CNTN3: variants seen among roughly 807,000 people sequenced by gnomAD.
CNTN3 encodes the protein contactin-3.
A neutral mutation model predicts 119.1 loss-of-function variants in CNTN3; 60 were observed. That is an observed-to-expected ratio of 0.50 (90% CI 0.41 to 0.62). CNTN3 has a LOEUF of 0.62. CNTN3 is among the 20% of genes least tolerant of loss of function. CNTN3 has a pLI of 0.00. For synonymous variants in CNTN3, 450 were observed against 438.7 expected (o/e 1.03, Z -0.32); for missense variants, 1,101 against 1,242.4 (o/e 0.89, Z 1.71).
chr3:74,449,696 T>G (rs1197209940), intron 4 of CNTN3, among the ~76,000 whole-genome samples: 1 of 152,128 alleles, frequency 6.6e-6, no homozygotes, highest in Non-Finnish European at 1.5e-5. Context: ...TTCATTAAAT[T>G]GTAAGCCTGG....
At chr3:74,456,029 C>T (rs1702262308) in intron 4 of CNTN3, among the ~76,000 whole-genome samples, 1 of 151,922 alleles carries the variant, frequency 6.6e-6, no homozygotes, top group South Asian at 2.1e-4. Context: ...AGCCAGATGC[C>T]CTAAAACAGA....
chr3:74,437,105 T>C (rs1008120858), intron 4 of CNTN3, among the ~76,000 whole-genome samples: 1 of 152,198 alleles, frequency 6.6e-6, no homozygotes, highest in African/African-American at 2.4e-5. Flanking sequence ...ACCCCTTCTG[T>C]ACTTAGCAAA....
chr3:74,555,342 A>G (rs78245484), intron 1 of CNTN3, among the ~76,000 whole-genome samples: 10 of 152,154 alleles, frequency 6.6e-5, no homozygotes, highest in African/African-American at 2.4e-4. Flanking sequence ...TTTTTGCATC[A>G]ATGATCATCA....
At chr3:74,529,121 C>A (rs1243062821) in intron 1 of CNTN3, among the ~76,000 whole-genome samples, 1 of 151,748 alleles carries the variant, frequency 6.6e-6, no homozygotes, top group Non-Finnish European at 1.5e-5. Context: ...GCAGCTAACT[C>A]TGGGGAGGAA....
At chr3:74,467,702 C>A (rs1013426156) in intron 4 of CNTN3, among the ~76,000 whole-genome samples, 1 of 152,072 alleles carries the variant, frequency 6.6e-6, no homozygotes, top group Non-Finnish European at 1.5e-5. Flanking sequence ...TTTATATATA[C>A]CACCCAAGCA....
intron 20 of CNTN3, among the ~76,000 whole-genome samples, chr3:74,281,555 C>T (rs771962712): frequency 4.6e-5 from 7 of 152,004 alleles, no homozygotes; most frequent in Non-Finnish European, 1.0e-4. Context: ...ACTATGTTGC[C>T]CAGGCTGGTC....
chr3:74,368,605 T>C (rs988487624), intron 8 of CNTN3, among the ~76,000 whole-genome samples: 1 of 152,018 alleles, frequency 6.6e-6, no homozygotes, highest in Middle Eastern at 3.2e-3. Context: ...ACAAATAGAC[T>C]CTAAATAAAG....
intron 11 of CNTN3, among the ~76,000 whole-genome samples, chr3:74,345,509 G>C (rs1324709208): frequency 1.3e-5 from 2 of 152,128 alleles, no homozygotes; most frequent in African/African-American, 4.8e-5. Context: ...TAATATTCAT[G>C]GTAAGTTAGC....
intron 19 of CNTN3, among the ~76,000 whole-genome samples, chr3:74,286,270 G>A (rs1202137899): frequency 6.6e-6 from 1 of 152,084 alleles, no homozygotes; most frequent in African/African-American, 2.4e-5. Context: ...GCAAGAAAAT[G>A]TCAGCAGACC....
chr3:74,314,697 T>C (rs750954064), intron 13 of CNTN3, among the ~76,000 whole-genome samples: 5 of 152,222 alleles, frequency 3.3e-5, no homozygotes, highest in African/African-American at 1.2e-4. Flanking sequence ...TCCAGTATCA[T>C]ATTTGGAGAC....
At chr3:74,270,620 A>G (rs1284250717) in intron 20 of CNTN3, among the ~76,000 whole-genome samples, 2 of 152,184 alleles carry the variant, frequency 1.3e-5, no homozygotes, top group Admixed American at 1.3e-4. Context: ...TTGTAAAAGT[A>G]TGGAGTCAAG....
chr3:74,312,232 T>C (rs1400263135), intron 13 of CNTN3, among the ~76,000 whole-genome samples: 12 of 151,762 alleles, frequency 7.9e-5, no homozygotes, highest in Admixed American at 5.3e-4. Flanking sequence ...GGCGGGCAGA[T>C]CACGAGGTCA....
intron 1 of CNTN3, among the ~76,000 whole-genome samples, chr3:74,611,724 A>G (rs932160726): frequency 6.6e-6 from 1 of 152,226 alleles, no homozygotes; most frequent in Admixed American, 6.5e-5. Flanking sequence ...GTGATTAATT[A>G]TATATGCATG....
chr3:74,446,627 A>G (rs1165910580), intron 4 of CNTN3, among the ~76,000 whole-genome samples: 2 of 151,758 alleles, frequency 1.3e-5, no homozygotes, highest in Admixed American at 6.6e-5. Context: ...TATATTGATT[A>G]TATGTTAAAA....
intron 5 of CNTN3, among the ~76,000 whole-genome samples, chr3:74,414,013 TATAAAACCTTAACC>T (rs542623782): frequency 1.0e-3 from 155 of 152,144 alleles, no homozygotes; most frequent in African/African-American, 3.1e-3. Context: ...GATCAAAAGC[TATAAAACCTTAACC>T]AAGTGGTAAG....
intron 4 of CNTN3, among the ~76,000 whole-genome samples, chr3:74,455,523 C>T (rs543348549): frequency 6.0e-4 from 92 of 152,244 alleles, no homozygotes; most frequent in African/African-American, 2.1e-3. Context: ...CTCCGTCCAG[C>T]TTTGTTCCAT....
At chr3:74,355,988 C>G (rs1703926017) in intron 11 of CNTN3, among the ~76,000 whole-genome samples, 1 of 152,018 alleles carries the variant, frequency 6.6e-6, no homozygotes, top group African/African-American at 2.4e-5. Context: ...CTGCTATGCT[C>G]TGAATATGTC....
intron 11 of CNTN3, among the ~76,000 whole-genome samples, chr3:74,359,982 C>T (rs17012427): frequency 0.036 from 5,480 of 152,230 alleles, 342 homozygotes; most frequent in African/African-American, 0.12. Flanking sequence ...AATTAACCTC[C>T]TGTTCCAGAA....
In CNTN3 at chr3:74,301,781, A is replaced by G. The variant is rs775905850; in HGVS notation, c.1811T>C (p.Val604Ala). ...VRGSPGPPEN[V>A]KVDEITDTTA... is the part of the protein sequence containing the mutation. The stretch of plus-strand genomic sequence containing the variant: ...TGTGTCTGTAATTTCATCTACCTTC[A>G]CATTTTCTGGTGGTCCAGGTGAACC... Residue 604 changes from valine (V) to alanine (A), a missense_variant, in exon 15 of 23, where the codon GTG (valine) becomes GCG (alanine). By Grantham distance (64) the Val-to-Ala change is moderately conservative (BLOSUM62 0). Coordinates refer to ENST00000263665, the MANE Select transcript of CNTN3 (RefSeq NM_020872.3). 2 of 1,613,784 alleles carry G rather than the reference A, an allele frequency of 1.2e-6. No homozygotes were observed. The highest frequency in any genetic ancestry group is 1.3e-5 in the African/African-American group (1 of 74,860).
Sources: allele counts gnomAD v4.1 joint callset (sites outside exome capture counted in the v4.1 genomes callset), GRCh38; gene constraint gnomAD v4.1.1; transcripts MANE v1.5; gene names NCBI Gene and HGNC (gene_info 2026-07-23, HGNC 2026-07-21).